PPP1R16B: variants seen among roughly 807,000 people sequenced by gnomAD.
The protein encoded by PPP1R16B is protein phosphatase 1 regulatory inhibitor subunit 16B.
Under a neutral mutation model 61.7 loss-of-function variants are expected in PPP1R16B, and 14 were observed. That is an observed-to-expected ratio of 0.23 (90% CI 0.15 to 0.35). PPP1R16B has a LOEUF of 0.35. Ranked by LOEUF, PPP1R16B falls within the 10% of genes least tolerant of loss-of-function variation. The pLI, the probability that PPP1R16B is intolerant of heterozygous loss-of-function variation, is 1.00. For missense variants in PPP1R16B, 547 were observed against 752.5 expected (o/e 0.73, Z 3.19); for synonymous variants, 266 against 305.3 (o/e 0.87, Z 1.34).
intron 10 of PPP1R16B, among the ~76,000 whole-genome samples, chr20:38,917,359 G>A (rs1433801506): frequency 2.0e-5 from 3 of 150,440 alleles, no homozygotes; most frequent in Non-Finnish European, 4.4e-5. Flanking sequence ...TCTCTTTTCT[G>A]TAATATATGT....
In PPP1R16B at chr20:38,922,239, C is replaced by T. The variant is rs2085605061; in HGVS notation, c.*3573C>T. The T allele has an allele frequency of 6.6e-6, 1 of 152,654 alleles. No individual in the cohort carries two copies. Among genetic ancestry groups the T allele is most frequent in the African/African-American group, 2.4e-5 (1 of 41,438 alleles). 9.5% of individuals were successfully genotyped at this position (152,654 alleles called of 1,614,324 possible). A position where few individuals can be genotyped will look rare whatever the true frequency, so the allele number is the denominator to read the frequency against. On this transcript the variant is annotated 3_prime_UTR_variant, in exon 11 of 11. Coordinates refer to ENST00000299824, the MANE Select transcript of PPP1R16B (RefSeq NM_015568.4). ...CTTAGAAAAGCTAACAAGGGTGTGT[C>T]CCCTGTCCTGCCCCACCGGTTTGCT...
At position 38,911,578 on chromosome 20, in the gene PPP1R16B, C is replaced by T. The variant is rs371374538; in HGVS notation, c.1194+3385C>T. Among the ~76,000 whole-genome samples, 18 of 151,480 alleles carry T rather than the reference C, an allele frequency of 1.2e-4. 1 individual carries two copies. The highest frequency in any genetic ancestry group is 4.4e-4 in the African/African-American group (18 of 41,246). On this transcript the variant is annotated intron_variant, in intron 10 of 10. Coordinates refer to ENST00000299824, the MANE Select transcript of PPP1R16B (RefSeq NM_015568.4). ...TTGAGACAGAGTCTCGCTTTGTCAC[C>T]CAAGCTAGAGTGCAGTGGCGTGCTC...
chr20:38,879,930 G>A (rs916686412), intron 2 of PPP1R16B, among the ~76,000 whole-genome samples: 1 of 152,214 alleles, frequency 6.6e-6, no homozygotes, highest in Non-Finnish European at 1.5e-5. Context: ...AAGCCAAAGG[G>A]TGAAGATTCT....
intron 3 of PPP1R16B, among the ~76,000 whole-genome samples, chr20:38,893,680 A>G (rs1028637136): frequency 7.2e-5 from 11 of 151,870 alleles, no homozygotes; most frequent in Admixed American, 2.0e-4. Context: ...ACCAGCTACC[A>G]CCCACTCCAT....
At chr20:38,917,446 ATGT>A (rs1166995354) in intron 10 of PPP1R16B, among the ~76,000 whole-genome samples, 1 of 152,094 alleles carries the variant, frequency 6.6e-6, no homozygotes, top group Non-Finnish European at 1.5e-5. Flanking sequence ...TGTGCTTTAA[ATGT>A]TGTTGCATGT....
At chr20:38,890,786 G>C (rs7261360) in intron 3 of PPP1R16B, among the ~76,000 whole-genome samples, 2,339 of 152,334 alleles carry the variant, frequency 0.015, 63 homozygotes, top group African/African-American at 0.053. Flanking sequence ...TTTCTAAGCA[G>C]ATGGACTTGA....
chr20:38,902,428 T>C (rs1237414993), intron 5 of PPP1R16B, among the ~76,000 whole-genome samples: 1 of 152,160 alleles, frequency 6.6e-6, no homozygotes, highest in Non-Finnish European at 1.5e-5. Context: ...GAACAGCATA[T>C]GCAAAGTGAC....
intron 3 of PPP1R16B, among the ~76,000 whole-genome samples, chr20:38,891,121 G>C (rs531764924): frequency 6.6e-6 from 1 of 152,262 alleles, no homozygotes; most frequent in African/African-American, 2.4e-5. Context: ...AATTCCCAAG[G>C]CTGGGCTGCA....
chr20:38,888,876 A>AACACACACACACACACACACAC (rs1181903301), intron 2 of PPP1R16B, among the ~76,000 whole-genome samples: 1 of 112,238 alleles, frequency 8.9e-6, no homozygotes, highest in East Asian at 2.8e-4. Flanking sequence ...AGAATCCCTG[A>AACACACACACACACACACACAC]ACACACACAC....
In PPP1R16B at chr20:38,912,130, G is replaced by A. The variant is rs137938681; in HGVS notation, c.1194+3937G>A. On this transcript the variant is annotated intron_variant, in intron 10 of 10. Coordinates refer to ENST00000299824, the MANE Select transcript of PPP1R16B (RefSeq NM_015568.4). The stretch of plus-strand genomic sequence containing the variant: ...TTTTTTTTTTTTGATACAGAGTTCC[G>A]CTCTTGTTGCCTAGCCTGGAGTGCA... Among the ~76,000 whole-genome samples the A allele has an allele frequency of 7.6e-3, 1,020 of 134,952 alleles. 9 individuals carry two copies. Among genetic ancestry groups the A allele is most frequent in the African/African-American group, 0.022 (758 of 35,008 alleles). The allele number at this position is 134,952 out of a possible 152,430, so 88.5% of individuals were successfully genotyped here. A position where few individuals can be genotyped will look rare whatever the true frequency, so the allele number is the denominator to read the frequency against.
At chr20:38,896,998 T>TAGCC (rs2085354610) in intron 4 of PPP1R16B, among the ~76,000 whole-genome samples, 2 of 151,996 alleles carry the variant, frequency 1.3e-5, no homozygotes, top group African/African-American at 4.8e-5. Flanking sequence ...AATACAAAAT[T>TAGCC]AGCCGGGCAT....
chr20:38,861,995 TG>T (rs2085055063), intron 2 of PPP1R16B, among the ~76,000 whole-genome samples: 1 of 152,184 alleles, frequency 6.6e-6, no homozygotes. Flanking sequence ...CTTTTGCTTC[TG>T]GTCTCTTACT....
intron 2 of PPP1R16B, among the ~76,000 whole-genome samples, chr20:38,875,618 A>G (rs1057405424): frequency 2.6e-5 from 4 of 152,214 alleles, no homozygotes; most frequent in Middle Eastern, 3.2e-3. Flanking sequence ...CGAAGCAAAC[A>G]GGAAGCAGGG....
intron 10 of PPP1R16B, among the ~76,000 whole-genome samples, chr20:38,911,454 C>T (rs1354080131): frequency 2.0e-5 from 3 of 152,146 alleles, no homozygotes; most frequent in Non-Finnish European, 2.9e-5. Context: ...GCGTGAGCCA[C>T]CACGCCTGGC....
At chr20:38,875,452 C>T (rs1332997843) in intron 2 of PPP1R16B, among the ~76,000 whole-genome samples, 1 of 152,222 alleles carries the variant, frequency 6.6e-6, no homozygotes, top group Non-Finnish European at 1.5e-5. Flanking sequence ...GTGCAGCATG[C>T]AGGGAGAGTA....
intron 2 of PPP1R16B, among the ~76,000 whole-genome samples, chr20:38,846,935 G>A (rs1352322886): frequency 2.6e-5 from 4 of 152,158 alleles, no homozygotes; most frequent in African/African-American, 9.7e-5. Context: ...AGCCCAGGAG[G>A]TCAAGGTTGT....
chr20:38,829,813 G>A (rs1901742443), intron 1 of PPP1R16B, among the ~76,000 whole-genome samples: 1 of 152,242 alleles, frequency 6.6e-6, no homozygotes, highest in African/African-American at 2.4e-5. Context: ...ACGGGGGTGG[G>A]AGGAGGTGTG....
intron 2 of PPP1R16B, among the ~76,000 whole-genome samples, chr20:38,846,672 T>C (rs1483596396): frequency 1.3e-5 from 2 of 152,226 alleles, no homozygotes; most frequent in African/African-American, 4.8e-5. Flanking sequence ...CAATTTTTGC[T>C]ACTATAAATT....
intron 2 of PPP1R16B, among the ~76,000 whole-genome samples, chr20:38,846,616 T>C (rs939720785): frequency 6.6e-6 from 1 of 152,274 alleles, no homozygotes; most frequent in African/African-American, 2.4e-5. Flanking sequence ...GGATGTTCCA[T>C]AATTTATGCA....
Sources: gnomAD v4.1 joint callset for allele counts (sites outside exome capture counted in the v4.1 genomes callset) on GRCh38, gnomAD v4.1.1 for gene constraint, MANE v1.5 for transcripts, NCBI Gene and HGNC (gene_info 2026-07-23, HGNC 2026-07-21) for gene names.